PHACTR1: variants seen among roughly 807,000 people sequenced by gnomAD.
The protein encoded by PHACTR1 is phosphatase and actin regulator 1.
Under a neutral mutation model 69.2 loss-of-function variants are expected in PHACTR1, and 16 were observed. That is an observed-to-expected ratio of 0.23 (90% CI 0.16 to 0.35). The LOEUF (loss-of-function observed/expected upper bound fraction) is 0.35. Ranked by LOEUF, PHACTR1 falls within the 10% of genes least tolerant of loss-of-function variation. The pLI is 1.00. For synonymous variants in PHACTR1, 312 were observed against 284.5 expected, an observed-to-expected ratio of 1.10 and a Z score of -0.97; for missense variants, 510 against 734.7, an observed-to-expected ratio of 0.69 and a Z score of 3.54.
At chr6:13,122,618 G>C (rs1029982128) in intron 5 of PHACTR1, among the ~76,000 whole-genome samples, 2 of 152,220 alleles carry the variant, frequency 1.3e-5, no homozygotes, top group African/African-American at 4.8e-5. Flanking sequence ...GAGTAGATGG[G>C]GGTTCATTGT....
At chr6:13,082,212 G>T (rs1453677721) in intron 5 of PHACTR1, among the ~76,000 whole-genome samples, 1 of 152,010 alleles carries the variant, frequency 6.6e-6, no homozygotes, top group Admixed American at 6.6e-5. Context: ...GTGTATGCTG[G>T]TCTCTGTATG....
At chr6:12,867,099 C>G (rs371686257) in intron 4 of PHACTR1, among the ~76,000 whole-genome samples, 2 of 152,128 alleles carry the variant, frequency 1.3e-5, no homozygotes, top group East Asian at 3.9e-4. Context: ...GAAAAAAAAT[C>G]AGGCCTCCAG....
intron 3 of PHACTR1, among the ~76,000 whole-genome samples, chr6:12,743,792 T>C (rs1351863697): frequency 6.6e-6 from 1 of 152,192 alleles, no homozygotes; most frequent in Non-Finnish European, 1.5e-5. Context: ...AACTCAGCTC[T>C]GCACCAAGTG....
At chr6:13,236,408 AT>A (rs1771991520) in intron 10 of PHACTR1, among the ~76,000 whole-genome samples, 1 of 152,184 alleles carries the variant, frequency 6.6e-6, no homozygotes, top group South Asian at 2.1e-4. Flanking sequence ...CACAACAGAA[AT>A]GCATTGTCTC....
intron 4 of PHACTR1, among the ~76,000 whole-genome samples, chr6:12,951,727 G>A (rs567300409): frequency 1.4e-4 from 21 of 152,324 alleles, no homozygotes; most frequent in African/African-American, 4.8e-4. Context: ...CATGGCCTGT[G>A]CAAGTCTGAG....
intron 4 of PHACTR1, among the ~76,000 whole-genome samples, chr6:13,037,239 G>A (rs573214613): frequency 6.6e-6 from 1 of 152,218 alleles, no homozygotes; most frequent in East Asian, 1.9e-4. Flanking sequence ...GTAGGACTTA[G>A]AGATACAGAA....
At chr6:13,004,597 G>A (rs964559421) in intron 4 of PHACTR1, among the ~76,000 whole-genome samples, 1 of 152,148 alleles carries the variant, frequency 6.6e-6, no homozygotes, top group Admixed American at 6.5e-5. Context: ...GAACATGCAG[G>A]TTTGTTACAT....
chr6:12,978,663 G>T lies in PHACTR1; in HGVS notation c.251-74702G>T, dbSNP rs113224758. 3.1e-3 allele frequency among the ~76,000 whole-genome samples: 477 copies of T among 152,308 alleles called. 3 individuals are homozygous for T. Among genetic ancestry groups the T allele is most frequent in the African/African-American group, 0.011 (449 of 41,566 alleles). On this transcript the variant is annotated intron_variant, in intron 4 of 14. Coordinates refer to ENST00000332995, the MANE Select transcript of PHACTR1 (RefSeq NM_030948.6). ...ACCTACAAAGCTTGACAATAGTCAC[G>T]TATGTCTTATTTGTATTTGCAGTGC...
chr6:13,286,050 T>A, intron 13 of PHACTR1, 96 bp from the exon 14 acceptor site: 1 of 1,043,950 alleles, frequency 9.6e-7, no homozygotes, highest in Non-Finnish European at 1.4e-6. Flanking sequence ...TTTGTCTTTG[T>A]TGAAGAAGAA....
At chr6:12,801,725 C>A (rs926787487) in intron 4 of PHACTR1, among the ~76,000 whole-genome samples, 1 of 152,154 alleles carries the variant, frequency 6.6e-6, no homozygotes, top group Non-Finnish European at 1.5e-5. Flanking sequence ...GCTGAGAAAG[C>A]TTGACATAAA....
intron 4 of PHACTR1, among the ~76,000 whole-genome samples, chr6:12,850,080 A>G (rs1341331849): frequency 6.6e-6 from 1 of 152,182 alleles, no homozygotes; most frequent in Non-Finnish European, 1.5e-5. Flanking sequence ...ATGTCATGGT[A>G]TTTGACTGCA....
At chr6:12,795,055 A>C (rs1218242809) in intron 4 of PHACTR1, among the ~76,000 whole-genome samples, 2 of 152,130 alleles carry the variant, frequency 1.3e-5, no homozygotes, top group Admixed American at 1.3e-4. Context: ...ATCTTGTTAA[A>C]ATGCAGATTC....
intron 5 of PHACTR1, among the ~76,000 whole-genome samples, chr6:13,118,659 A>G (rs1310996814): frequency 2.6e-5 from 4 of 151,878 alleles, no homozygotes; most frequent in African/African-American, 4.8e-5. Flanking sequence ...TTGTATTTTT[A>G]GTAGAGACAG....
chr6:12,809,147 C>T (rs545889848), intron 4 of PHACTR1, among the ~76,000 whole-genome samples: 6 of 152,216 alleles, frequency 3.9e-5, no homozygotes, highest in South Asian at 4.2e-4. Context: ...CTCAGCATCC[C>T]GAAGTGCTGA....
chr6:13,163,760 G>A (rs1759387437), intron 6 of PHACTR1, among the ~76,000 whole-genome samples: 1 of 152,154 alleles, frequency 6.6e-6, no homozygotes, highest in Non-Finnish European at 1.5e-5. Context: ...CAAGTTGCTT[G>A]ACTTCTCTGT....
At chr6:12,934,047 A>C in intron 4 of PHACTR1, 2 of 1,407,494 alleles carry the variant, frequency 1.4e-6, no homozygotes, top group Non-Finnish European at 1.9e-6. Context: ...GAAGTCCCAA[A>C]TCAAGGTGTT....
intron 4 of PHACTR1, among the ~76,000 whole-genome samples, chr6:13,051,424 C>T (rs1805924582): frequency 6.6e-6 from 1 of 152,146 alleles, no homozygotes; most frequent in South Asian, 2.1e-4. Context: ...CCCCAAATGC[C>T]AATTCATTTC....
At chr6:13,043,876 A>C (rs1352108397) in intron 4 of PHACTR1, among the ~76,000 whole-genome samples, 1 of 152,212 alleles carries the variant, frequency 6.6e-6, no homozygotes, top group African/African-American at 2.4e-5. Context: ...TTTATTTACA[A>C]TTTAAATAAG....
intron 4 of PHACTR1, among the ~76,000 whole-genome samples, chr6:12,912,544 A>G (rs971697412): frequency 1.3e-5 from 2 of 152,182 alleles, no homozygotes; most frequent in African/African-American, 2.4e-5. Context: ...TGTAGATGTT[A>G]CTCACGTTGG....
Sources: allele counts gnomAD v4.1 joint callset (sites outside exome capture counted in the v4.1 genomes callset), GRCh38; gene constraint gnomAD v4.1.1; transcripts MANE v1.5; gene names NCBI Gene and HGNC (gene_info 2026-07-23, HGNC 2026-07-21).